Variants in FBXO36 observed in about 807,000 individuals in gnomAD.
FBXO36 encodes the protein F-box protein 36.
Under a neutral mutation model 17.0 loss-of-function variants are expected in FBXO36, and 18 were observed. That is an observed-to-expected ratio of 1.06 (90% CI 0.73 to 1.57). FBXO36 has a LOEUF of 1.57. Among genes scored for constraint, FBXO36 ranks in the 40% most tolerant of loss-of-function variants. The probability of loss-of-function intolerance (pLI) is 0.00; values close to 1 mark genes in which losing one functional copy is unlikely to be tolerated. For synonymous variants in FBXO36, 83 were observed against 85.3 expected, an observed-to-expected ratio of 0.97 and a Z score of 0.15; for missense variants, 229 against 221.9, an observed-to-expected ratio of 1.03 and a Z score of -0.20.
intron 2 of FBXO36, among the ~76,000 whole-genome samples, chr2:229,988,593 G>C (rs2077281092): frequency 6.6e-6 from 1 of 152,076 alleles, no homozygotes; most frequent in Non-Finnish European, 1.5e-5. Context: ...GGAGTGCAGT[G>C]GCGCGATTTC....
intron 1 of FBXO36, among the ~76,000 whole-genome samples, chr2:229,964,427 T>C (rs970816217): frequency 3.3e-5 from 5 of 152,258 alleles, no homozygotes; most frequent in African/African-American, 4.8e-5. Flanking sequence ...GTAAATGGAA[T>C]GTTATGTATG....
At chr2:230,002,426 C>T (rs2077364525) in intron 3 of FBXO36, among the ~76,000 whole-genome samples, 1 of 151,192 alleles carries the variant, frequency 6.6e-6, no homozygotes, top group Admixed American at 6.6e-5. Flanking sequence ...CTTTGTTACA[C>T]AGTCTGGAGT....
At chr2:230,005,245 G>T (rs1017942583) in intron 3 of FBXO36, among the ~76,000 whole-genome samples, 2 of 151,970 alleles carry the variant, frequency 1.3e-5, no homozygotes, top group Non-Finnish European at 2.9e-5. Context: ...GGGACTACAG[G>T]TGCACACCAC....
intron 1 of FBXO36, among the ~76,000 whole-genome samples, chr2:229,936,983 T>C (rs1349758017): frequency 2.0e-4 from 31 of 152,166 alleles, no homozygotes. Context: ...ATAAATCTAT[T>C]CTCCATATTA....
chr2:230,011,659 G>A lies in FBXO36; in HGVS notation c.*775G>A, dbSNP rs1279446760. The A allele has an allele frequency of 7.3e-6, 1 of 136,706 alleles. No homozygotes were observed. Among genetic ancestry groups the A allele is most frequent in the African/African-American group, 2.8e-5 (1 of 35,990 alleles). The allele number at this position is 136,706 out of a possible 1,614,324, so 8.5% of individuals were successfully genotyped here. On this transcript the variant is annotated 3_prime_UTR_variant, in exon 4 of 4. Transcript: ENST00000283946. ...AGGTGGAGTTTCGCCATGTAGGCCA[G>A]GCTGGTCTTGAACTCCTGACCTCAA...
chr2:229,953,304 A>C (rs2077067288), intron 1 of FBXO36, among the ~76,000 whole-genome samples: 1 of 152,038 alleles, frequency 6.6e-6, no homozygotes, highest in South Asian at 2.1e-4. Context: ...GCGCCATTGC[A>C]CTCCAGCCTG....
At chr2:229,944,902 A>G (rs1003103044) in intron 1 of FBXO36, among the ~76,000 whole-genome samples, 2 of 152,130 alleles carry the variant, frequency 1.3e-5, no homozygotes, top group East Asian at 1.9e-4. Flanking sequence ...CCCAAAACTG[A>G]TATTTTTGTG....
intron 1 of FBXO36, among the ~76,000 whole-genome samples, chr2:229,976,038 C>T (rs751618499): frequency 2.0e-5 from 3 of 152,276 alleles, no homozygotes; most frequent in Non-Finnish European, 4.4e-5. Context: ...TTCCTTCTAG[C>T]ACTATGGTTT....
chr2:229,969,081 A>G (rs754463411), intron 1 of FBXO36, among the ~76,000 whole-genome samples: 5 of 152,138 alleles, frequency 3.3e-5, no homozygotes, highest in Non-Finnish European at 7.4e-5. Context: ...TTAAATTTAT[A>G]TACCCCTTAT....
chr2:229,942,560 A>C (rs902486439), intron 1 of FBXO36, among the ~76,000 whole-genome samples: 6 of 152,104 alleles, frequency 3.9e-5, no homozygotes, highest in African/African-American at 1.4e-4. Flanking sequence ...AGCAGCTTCC[A>C]GGGGCTCCAG....
At chr2:229,963,971 A>C (rs554665488) in intron 1 of FBXO36, among the ~76,000 whole-genome samples, 1 of 152,238 alleles carries the variant, frequency 6.6e-6, no homozygotes, top group Admixed American at 6.5e-5. Flanking sequence ...GAGAAATAAT[A>C]TTTCAGTATG....
chr2:229,939,061 T>G lies in FBXO36; in HGVS notation c.96+16452T>G, dbSNP rs567686318. The G allele has an allele frequency of 1.2e-3, 198 of 159,464 alleles. 3 individuals are homozygous for G. In the South Asian group the frequency reaches 0.037, roughly 30 times the overall value. The allele number at this position is 159,464 out of a possible 1,614,324, so 9.9% of individuals were successfully genotyped here. A position where few individuals can be genotyped will look rare whatever the true frequency, so the allele number is the denominator to read the frequency against. The stretch of plus-strand genomic sequence containing the variant: ...CCTTTTTTTTGGTTTGTTTTTTGTT[T>G]TTTTTTTTTTTTGAGGAGTTTCGCT... On this transcript the variant is annotated intron_variant, in intron 1 of 3. Coordinates refer to ENST00000283946, the MANE Select transcript of FBXO36 (RefSeq NM_174899.5).
At chr2:229,929,520 C>G (rs2106153035) in intron 1 of FBXO36, among the ~76,000 whole-genome samples, 1 of 151,232 alleles carries the variant, frequency 6.6e-6, no homozygotes, top group African/African-American at 2.4e-5. Flanking sequence ...GAGCTGAGAT[C>G]AGGACACTGC....
At chr2:229,978,135 T>A (rs1006794069) in intron 2 of FBXO36, among the ~76,000 whole-genome samples, 10 of 151,796 alleles carry the variant, frequency 6.6e-5, no homozygotes, top group South Asian at 2.1e-4. Context: ...AATTTTTTTT[T>A]AAATTAGCTA....
intron 1 of FBXO36, among the ~76,000 whole-genome samples, chr2:229,970,572 T>A (rs1211780357): frequency 6.6e-6 from 1 of 152,124 alleles, no homozygotes; most frequent in Admixed American, 6.6e-5. Flanking sequence ...TCTATGTAAT[T>A]GCAGCACCAG....
At chr2:229,947,852 A>G (rs150650986) in intron 1 of FBXO36, among the ~76,000 whole-genome samples, 124 of 152,326 alleles carry the variant, frequency 8.1e-4, no homozygotes, top group African/African-American at 2.9e-3. Context: ...GCCCCTGTGG[A>G]TTACAGGTGG....
At chr2:229,934,340 G>T (rs1198564823) in intron 1 of FBXO36, among the ~76,000 whole-genome samples, 1 of 152,172 alleles carries the variant, frequency 6.6e-6, no homozygotes, top group Non-Finnish European at 1.5e-5. Flanking sequence ...GGCGGAGCTT[G>T]CAGTGAGCCG....
chr2:230,010,988 A>G lies in FBXO36; in HGVS notation c.*104A>G. On this transcript the variant is annotated 3_prime_UTR_variant, in exon 4 of 4. Coordinates refer to ENST00000283946, the MANE Select transcript of FBXO36 (RefSeq NM_174899.5). The stretch of plus-strand genomic sequence containing the variant: ...TCTTAAGAACTAAGAGGTTTTGTTG[A>G]TGCGTGGAGCCATTTGAAACTCGTA... 8.1e-7 allele frequency: 1 copy of G among 1,227,568 alleles called. No individual in the cohort carries two copies. Among genetic ancestry groups the G allele is most frequent in the South Asian group, 1.6e-5 (1 of 62,680 alleles). The allele number at this position is 1,227,568 out of a possible 1,614,324, so 76.0% of individuals were successfully genotyped here.
intron 2 of FBXO36, among the ~76,000 whole-genome samples, chr2:229,995,779 A>G (rs565890089): frequency 1.3e-5 from 2 of 151,146 alleles, no homozygotes; most frequent in African/African-American, 4.8e-5. Context: ...TTTATTAGAG[A>G]CAGGGTTTCT....
Sources: gnomAD v4.1 joint callset for allele counts (sites outside exome capture counted in the v4.1 genomes callset) on GRCh38, gnomAD v4.1.1 for gene constraint, MANE v1.5 for transcripts, NCBI Gene and HGNC (gene_info 2026-07-23, HGNC 2026-07-21) for gene names.